The following HGS variants were observed in gnomAD, a reference collection of about 807,000 sequenced individuals.
HGS encodes the protein human growth factor-regulated tyrosine kinase substrate.
HGS carries 63 observed loss-of-function variants against 109.7 expected under a neutral mutation model. The observed-to-expected ratio is 0.57, with a 90% CI of 0.47 to 0.71. The LOEUF is 0.71. Among genes scored for constraint, HGS ranks in the 30% least tolerant of loss-of-function variants. The probability of loss-of-function intolerance (pLI) is 0.00; values close to 1 mark genes in which losing one functional copy is unlikely to be tolerated. For missense variants in HGS, 995 were observed against 1,068.3 expected (o/e 0.93, Z 0.96); for synonymous variants, 546 against 437.3 (o/e 1.25, Z -3.10).
At chr17:81,684,211 C>T (rs1322100164) in intron 1 of HGS, 108 bp downstream of exon 1, 26 of 994,398 alleles carry the variant, frequency 2.6e-5, no homozygotes, top group African/African-American at 3.4e-5. Context: ...GGCCGCCCTG[C>T]CCGCCTCTCC....
At chr17:81,688,481 C>T (rs757616697) in intron 4 of HGS, among the ~76,000 whole-genome samples, 35 of 152,188 alleles carry the variant, frequency 2.3e-4, no homozygotes, top group Non-Finnish European at 3.8e-4. Context: ...CACAGAGACG[C>T]GGCGTTGTTT....
chr17:81,684,047 G>T lies in HGS; in HGVS notation c.-20G>T, dbSNP rs1345632301. ...TAGCAGGGGAGCGCCCGCGGCGTCG[G>T]GTTTGGGCTGGAGGTCGCCATGGGG... is the stretch of plus-strand genomic sequence containing the variant. On this transcript the variant is annotated 5_prime_UTR_variant, in exon 1 of 22. Coordinates refer to ENST00000329138, the MANE Select transcript of HGS (RefSeq NM_004712.5). 6.3e-7 allele frequency: 1 copy of T among 1,590,598 alleles called. No homozygotes were observed. Among genetic ancestry groups the T allele is most frequent in the Admixed American group, 1.8e-5 (1 of 56,820 alleles).
intron 18 of HGS, chr17:81,697,452 T>A (rs1250660567): frequency 6.7e-6 from 1 of 150,016 alleles, no homozygotes; most frequent in Non-Finnish European, 1.4e-5. Context: ...CGGCAGACCG[T>A]CCTCAGCTCA....
chr17:81,699,316 T>C (rs898613614), intron 18 of HGS, among the ~76,000 whole-genome samples: 16 of 152,242 alleles, frequency 1.1e-4, no homozygotes, highest in African/African-American at 3.1e-4. Flanking sequence ...CAGAAGTTAC[T>C]GGAATTCACT....
chr17:81,696,864 C>T lies in HGS; in HGVS notation c.1748C>T (p.Pro583Leu). ...MPAAGGVLYQ[P>L]SGPASFPSTF... ...GCAGCCGGAGGTGTGCTCTACCAGC[C>T]CTCGGGACCAGCCAGCTTCCCCAGC... The change falls in exon 18 of 22, where the codon CCC becomes CTC. Residue 583 changes from proline to leucine, a missense_variant. Coordinates refer to ENST00000329138, the MANE Select transcript of HGS (RefSeq NM_004712.5). The T allele has an allele frequency of 6.2e-7, 1 of 1,611,084 alleles. No homozygotes were observed. The highest frequency in any genetic ancestry group is 8.5e-7 in the Non-Finnish European group (1 of 1,179,762).
chr17:81,689,024 G>A (rs1461587954), intron 5 of HGS, among the ~76,000 whole-genome samples, 197 bp downstream of exon 5: 1 of 152,376 alleles, frequency 6.6e-6, no homozygotes, highest in Admixed American at 6.5e-5. Flanking sequence ...CTGGACCCAC[G>A]GCCCACGGGC....
intron 18 of HGS, 136 bp downstream of exon 18, chr17:81,697,134 T>G: frequency 1.0e-6 from 1 of 994,754 alleles, no homozygotes; most frequent in Non-Finnish European, 1.4e-6. Flanking sequence ...TGCTTTTTCC[T>G]GTTTCCATGC....
At position 81,684,028 on chromosome 17, in the gene HGS, G is replaced by C. The variant is rs1247556314; in HGVS notation, c.-39G>C. ...CGGGGGGCGCGCCAGCTCGTAGCAG[G>C]GGAGCGCCCGCGGCGTCGGGTTTGG... On this transcript the variant is annotated 5_prime_UTR_variant, in exon 1 of 22. Coordinates refer to ENST00000329138, the MANE Select transcript of HGS (RefSeq NM_004712.5). 4 of 1,577,478 alleles carry C rather than the reference G, an allele frequency of 2.5e-6. No individual in the cohort carries two copies. Among genetic ancestry groups the C allele is most frequent in the East Asian group, 4.6e-5 (2 of 43,538 alleles).
Position 81,691,754 on chromosome 17 carries a change from C to T in HGS, c.662+183C>T. The T allele has an allele frequency of 4.4e-6, 3 of 675,064 alleles. No individual in the cohort carries two copies. The highest frequency in any genetic ancestry group is 7.3e-6 in the Non-Finnish European group (3 of 409,836). The allele number at this position is 675,064 out of a possible 1,614,324, so 41.8% of individuals were successfully genotyped here. ...CCTCGGACCCTGCCCCACACTAGGG[C>T]AGGTGGGTGTGAGAGACAGGGCGCC... On this transcript the variant is annotated intron_variant, in intron 8 of 21. Coordinates refer to ENST00000329138, the MANE Select transcript of HGS (RefSeq NM_004712.5). The surrounding 1 kb of genome is among the most constrained non-coding windows in gnomAD (Gnocchi z 5.3).
chr17:81,694,019 G>C (rs1390170858), intron 11 of HGS, 54 bp downstream of exon 11: 7 of 1,464,106 alleles, frequency 4.8e-6, no homozygotes, highest in Non-Finnish European at 6.5e-6. Flanking sequence ...AGGGTTGATG[G>C]GGGACGCGGG....
chr17:81,696,696 G>C lies in HGS; in HGVS notation c.1656G>C (p.Gln552His), dbSNP rs1380406189. 1 of 1,611,254 alleles carries C rather than the reference G, an allele frequency of 6.2e-7. No homozygotes were observed. The highest frequency in any genetic ancestry group is 8.5e-7 in the Non-Finnish European group (1 of 1,179,682). ...ERQMRLEQQK[Q>H]TVQMRAQMPA... is the part of the protein sequence containing the mutation. ...AGATGCGGCTGGAGCAGCAGAAGCA[G>C]ACGGTCCAGATGCGCGCGCAGATGC... The change falls in exon 17 of 22, where the codon CAG (glutamine) becomes CAC (histidine). Residue 552 changes from glutamine (Q) to histidine (H), a missense_variant. Gln to His is a conservative substitution (Grantham distance 24). Coordinates refer to ENST00000329138, the MANE Select transcript of HGS (RefSeq NM_004712.5).
At position 81,701,576 on chromosome 17, in the gene HGS, G is replaced by T. The variant is rs749407497; in HGVS notation, c.2292G>T (p.Pro764=). The change falls in exon 22 of 22, where the codon CCG becomes CCT. Residue 764 remains proline (P), a synonymous_variant. Transcript: ENST00000329138. ...CCCAGCAACCGCAGGCACAGGGGCC[G>T]CCGGCACAGGGCAGCGAGGCCCAGC... The part of the protein sequence containing the change: ...PVAQQPQAQG[P]PAQGSEAQLI... 3.2e-6 allele frequency: 5 copies of T among 1,571,014 alleles called. No homozygotes were observed. The highest frequency in any genetic ancestry group is 2.7e-5 in the African/African-American group (2 of 74,204).
At chr17:81,685,140 G>C (rs997637422) in intron 1 of HGS, 2 of 883,812 alleles carry the variant, frequency 2.3e-6, no homozygotes, top group African/African-American at 3.7e-5. Context: ...GGAGCAAGGG[G>C]CCTGGAGTCT....
rs1255820461 is a variant in HGS at position 81,688,754 on chromosome 17, C to T, written c.342C>T (p.Ala114=). Residue 114 remains alanine (A), a synonymous_variant, in exon 5 of 22, where the codon GCC becomes GCT. Transcript: ENST00000329138. ...VRNKILYLIQ[A]WAHAFRNEPK... ...ACAAGATCCTGTACCTGATCCAGGC[C>T]TGGGCGCATGCCTTCCGGAACGAGC... 6.2e-7 allele frequency: 1 copy of T among 1,614,156 alleles called. No individual in the cohort carries two copies. The highest frequency in any genetic ancestry group is 2.2e-5 in the East Asian group (1 of 44,888).
In HGS at chr17:81,701,770, C is replaced by T. The variant is rs906810679; in HGVS notation, c.*152C>T. 2.7e-5 allele frequency: 32 copies of T among 1,169,474 alleles called. No individual in the cohort carries two copies. The highest frequency in any genetic ancestry group is 3.6e-5 in the Non-Finnish European group (31 of 860,614). The allele number at this position is 1,169,474 out of a possible 1,614,324, so 72.4% of individuals were successfully genotyped here. A position where few individuals can be genotyped will look rare whatever the true frequency, so the allele number is the denominator to read the frequency against. On this transcript the variant is annotated 3_prime_UTR_variant, in exon 22 of 22. Transcript: ENST00000329138. ...GGGGCCTTCACCCCAAGCCCACCTC[C>T]CTTGTCCTCAGCCTACTGCAGTCCC...
intron 21 of HGS, 119 bp downstream of exon 21, chr17:81,701,250 A>T (rs1357511100): frequency 5.3e-6 from 5 of 948,624 alleles, no homozygotes; most frequent in Non-Finnish European, 8.2e-6. Context: ...ACAGGGGGAG[A>T]CGCATACCCG....
At position 81,691,839 on chromosome 17, in the gene HGS, T is replaced by G; in HGVS notation, c.662+268T>G. The G allele has an allele frequency of 5.3e-6, 2 of 379,658 alleles. No homozygotes were observed. The highest frequency in any genetic ancestry group is 9.8e-6 in the Non-Finnish European group (2 of 204,964). 23.5% of individuals were successfully genotyped at this position (379,658 alleles called of 1,614,324 possible). A position where few individuals can be genotyped will look rare whatever the true frequency, so the allele number is the denominator to read the frequency against. On this transcript the variant is annotated intron_variant, in intron 8 of 21. Transcript: ENST00000329138. This position sits in a 1 kb window ranked among gnomAD's most constrained non-coding sequence, Gnocchi z 5.3. ...TGTTGCTTGGGTTTGGGTTTGGGTT[T>G]GTTTGCATTTCAACTTTCGGAATAA...
At position 81,693,925 on chromosome 17, in the gene HGS, C is replaced by T. The variant is rs2037105644; in HGVS notation, c.896C>T (p.Ser299Phe). 2.5e-6 allele frequency: 4 copies of T among 1,611,670 alleles called. No homozygotes were observed. Among genetic ancestry groups the T allele is most frequent in the Non-Finnish European group, 2.5e-6 (3 of 1,179,790 alleles). Residue 299 changes from serine to phenylalanine, a missense_variant, in exon 11 of 22, where the codon TCC (serine) becomes TTC (phenylalanine). Physicochemically the swap from Ser to Phe is radical, Grantham distance 155. Transcript: ENST00000329138. The stretch of plus-strand genomic sequence containing the variant: ...AAGGCGGAGCCCATGCCCTCGGCCT[C>T]CTCAGCGCCCCCCGCCAGCAGCCTG... ...YPKAEPMPSA[S>F]SAPPASSLYS... is the part of the protein sequence containing the mutation.
chr17:81,695,831 C>T lies in HGS; in HGVS notation c.1225C>T (p.Leu409=), dbSNP rs1389231882. ...GTCTGAGGAGAGCCACGAGCAGTTC[C>T]TGAAGGCGCTGCAGAACGCCGTCAC... ...GESEESHEQF[L]KALQNAVTTF... The change falls in exon 15 of 22, where the codon CTG becomes TTG. Residue 409 remains leucine, a synonymous_variant. Transcript: ENST00000329138. The T allele has an allele frequency of 1.6e-5, 26 of 1,613,568 alleles. No individual in the cohort carries two copies. Among genetic ancestry groups the T allele is most frequent in the Non-Finnish European group, 2.0e-5 (24 of 1,180,024 alleles).
Sources: gnomAD v4.1 joint callset for allele counts (sites outside exome capture counted in the v4.1 genomes callset) on GRCh38, gnomAD v4.1.1 for gene constraint, Gnocchi (gnomAD v3.1) non-coding constraint, MANE v1.5 for transcripts, NCBI Gene and HGNC (gene_info 2026-07-23, HGNC 2026-07-21) for gene names.